The following CBLB variants were observed in gnomAD, a reference collection of about 807,000 sequenced individuals.
CBLB encodes the protein Cbl proto-oncogene B, also known as E3 ubiquitin-protein ligase CBL-B.
Under a neutral mutation model 104.9 loss-of-function variants are expected in CBLB, and 31 were observed. That is an observed-to-expected ratio of 0.30 (90% CI 0.22 to 0.40). The LOEUF (loss-of-function observed/expected upper bound fraction) is 0.40. CBLB is among the 10% of genes least tolerant of loss of function. The pLI is 1.00. For missense variants in CBLB, 1,062 were observed against 1,214.6 expected, an observed-to-expected ratio of 0.87 and a Z score of 1.87; for synonymous variants, 440 against 422.6, an observed-to-expected ratio of 1.04 and a Z score of -0.51.
rs534623401 is a variant in CBLB at position 105,841,209 on chromosome 3, T to C, written c.419+12205A>G. 4.6e-5 allele frequency among the ~76,000 whole-genome samples: 7 copies of C among 151,268 alleles called. No individual in the cohort carries two copies. In the South Asian group the frequency reaches 1.5e-3, roughly 32 times the overall value. On this transcript the variant is annotated intron_variant, in intron 3 of 18. Transcript: ENST00000394030. ...TACTTGGGAAGCTGAGGCAGAAGAATCGCTTGAACCTGGGAGGCGGAGGTT... is the reference window on the plus strand; with the variant it reads ...TACTTGGGAAGCTGAGGCAGAAGAACCGCTTGAACCTGGGAGGCGGAGGTT...
intron 3 of CBLB, among the ~76,000 whole-genome samples, chr3:105,815,564 T>C (rs1414148952): frequency 6.6e-6 from 1 of 152,158 alleles, no homozygotes; most frequent in Non-Finnish European, 1.5e-5. Context: ...CTGGAGACGA[T>C]GTGGAAAAAT....
At chr3:105,837,483 T>C (rs1486607689) in intron 3 of CBLB, among the ~76,000 whole-genome samples, 1 of 152,184 alleles carries the variant, frequency 6.6e-6, no homozygotes, top group Non-Finnish European at 1.5e-5. Context: ...GATACAGAAC[T>C]AATAAGTCAA....
At chr3:105,755,835 A>G (rs767532781) in intron 4 of CBLB, among the ~76,000 whole-genome samples, 1 of 152,232 alleles carries the variant, frequency 6.6e-6, no homozygotes, top group Non-Finnish European at 1.5e-5. Flanking sequence ...TTTTATATGC[A>G]GTGTTGTTTA....
At chr3:105,740,655 T>C in intron 6 of CBLB, 24 bp from the exon 7 acceptor site, 4 of 1,595,460 alleles carry the variant, frequency 2.5e-6, no homozygotes, top group African/African-American at 1.3e-5. Flanking sequence ...GAAAATTACA[T>C]CTAATTACAT....
chr3:105,723,772 TTC>T (rs1249452546), intron 9 of CBLB, among the ~76,000 whole-genome samples: 2 of 152,118 alleles, frequency 1.3e-5, no homozygotes, highest in Non-Finnish European at 2.9e-5. Flanking sequence ...CTTAAATACC[TTC>T]TTTTAAATGT....
intron 9 of CBLB, among the ~76,000 whole-genome samples, chr3:105,725,126 A>G (rs1195847990): frequency 3.3e-5 from 5 of 152,242 alleles, no homozygotes; most frequent in African/African-American, 1.2e-4. Flanking sequence ...TCAAAATTAA[A>G]AAAACTACTA....
At chr3:105,698,582 A>G (rs971495936) in intron 12 of CBLB, among the ~76,000 whole-genome samples, 6 of 146,158 alleles carry the variant, frequency 4.1e-5, no homozygotes, top group Non-Finnish European at 7.5e-5. Flanking sequence ...ACTAAACCTA[A>G]GCGGCAGTTT....
At chr3:105,839,237 G>A (rs1458130407) in intron 3 of CBLB, among the ~76,000 whole-genome samples, 3 of 152,044 alleles carry the variant, frequency 2.0e-5, no homozygotes, top group Non-Finnish European at 4.4e-5. Context: ...CTGATCCATG[G>A]AAAATGCAGG....
chr3:105,714,815 C>T (rs2071617530), intron 10 of CBLB, among the ~76,000 whole-genome samples: 2 of 152,112 alleles, frequency 1.3e-5, no homozygotes, highest in African/African-American at 2.4e-5. Context: ...TGTTACATTT[C>T]TAATTAGCAA....
chr3:105,718,218 T>C (rs554888656), intron 10 of CBLB, among the ~76,000 whole-genome samples: 1 of 152,342 alleles, frequency 6.6e-6, no homozygotes, highest in East Asian at 1.9e-4. Flanking sequence ...AAACTATTAA[T>C]AAAAACTGTA....
intron 3 of CBLB, among the ~76,000 whole-genome samples, chr3:105,808,932 T>C (rs766073893): frequency 2.6e-5 from 4 of 152,154 alleles, no homozygotes; most frequent in Non-Finnish European, 5.9e-5. Context: ...TTAACTTAAT[T>C]GTAGCTTTTA....
At chr3:105,818,103 C>G (rs1024901302) in intron 3 of CBLB, among the ~76,000 whole-genome samples, 1 of 151,984 alleles carries the variant, frequency 6.6e-6, no homozygotes, top group Non-Finnish European at 1.5e-5. Flanking sequence ...TTCAAAAACA[C>G]CACAAATTTC....
chr3:105,794,796 T>C (rs1306139704), intron 3 of CBLB, among the ~76,000 whole-genome samples: 1 of 152,188 alleles, frequency 6.6e-6, no homozygotes, highest in Admixed American at 6.5e-5. Context: ...ATACATACAT[T>C]CTACCAAAAC....
At chr3:105,830,146 T>A in intron 3 of CBLB, among the ~76,000 whole-genome samples, 1 of 152,112 alleles carries the variant, frequency 6.6e-6, no homozygotes, top group Middle Eastern at 3.2e-3. Flanking sequence ...GCTGCCAACA[T>A]CAAAACATCT....
At chr3:105,674,879 G>C (rs2065430468) in intron 17 of CBLB, among the ~76,000 whole-genome samples, 1 of 152,136 alleles carries the variant, frequency 6.6e-6, no homozygotes, top group Admixed American at 6.5e-5. Flanking sequence ...ATAGAAAAGA[G>C]ATAAAAGAAG....
In CBLB at chr3:105,703,981, G is replaced by A. The variant is rs776212498; in HGVS notation, c.1593+7C>T. On this transcript the variant is annotated splice_region_variant and intron_variant, in intron 11 of 18. Coordinates refer to ENST00000394030, the MANE Select transcript of CBLB (RefSeq NM_170662.5). Reference sequence around the variant, plus strand: ...TTTCATCTGTGTTTCTAATAAAATTGATCTACCTTTGGTGAACCCGTTGGG... The same window carrying A: ...TTTCATCTGTGTTTCTAATAAAATTAATCTACCTTTGGTGAACCCGTTGGG... 1.9e-6 allele frequency: 3 copies of A among 1,612,262 alleles called. No individual in the cohort carries two copies. Among genetic ancestry groups the A allele is most frequent in the Admixed American group, 3.3e-5 (2 of 60,010 alleles).
intron 3 of CBLB, among the ~76,000 whole-genome samples, chr3:105,844,011 C>G (rs1372354284): frequency 1.3e-5 from 2 of 152,122 alleles, no homozygotes; most frequent in Admixed American, 6.5e-5. Context: ...GTAATGAAGT[C>G]AAGATGGGGT....
chr3:105,744,413 TC>T (rs1315100603), intron 6 of CBLB, among the ~76,000 whole-genome samples: 1 of 152,196 alleles, frequency 6.6e-6, no homozygotes, highest in Admixed American at 6.5e-5. Flanking sequence ...AAATCATTCA[TC>T]TAAACCACTG....
intron 9 of CBLB, among the ~76,000 whole-genome samples, chr3:105,731,611 TTTA>T (rs139569382): frequency 0.017 from 2,639 of 151,962 alleles, 69 homozygotes; most frequent in African/African-American, 0.06. Context: ...AAACAACTAT[TTTA>T]TTATTATTAT....
Sources: allele counts gnomAD v4.1 joint callset (sites outside exome capture counted in the v4.1 genomes callset), GRCh38; gene constraint gnomAD v4.1.1; transcripts MANE v1.5; gene names NCBI Gene and HGNC (gene_info 2026-07-23, HGNC 2026-07-21).